CWF19L2: variants seen among roughly 807,000 people sequenced by gnomAD.
CWF19L2 encodes CWF19 like cell cycle control factor 2.
Under a neutral mutation model 111.7 loss-of-function variants are expected in CWF19L2, and 98 were observed. The observed-to-expected ratio is 0.88, with a 90% CI of 0.75 to 1.04. The LOEUF (loss-of-function observed/expected upper bound fraction) is 1.04. Among genes scored for constraint, CWF19L2 ranks in the 50% least tolerant of loss-of-function variants. CWF19L2 has a pLI of 0.00. For synonymous variants in CWF19L2, 351 were observed against 342.9 expected, an observed-to-expected ratio of 1.02 and a Z score of -0.26; for missense variants, 1,101 against 1,051.4, an observed-to-expected ratio of 1.05 and a Z score of -0.65.
At position 107,391,587 on chromosome 11, in the gene CWF19L2, T is replaced by A. The variant is rs903913497; in HGVS notation, c.1734+1192A>T. ...ATATTCTGGTCTCCATCTAATTCAG[T>A]CCCAGATTTTCCTATCAGTTGGTTC... On this transcript the variant is annotated intron_variant, in intron 11 of 17. Coordinates refer to ENST00000282251, the MANE Select transcript of CWF19L2 (RefSeq NM_152434.3). Among the ~76,000 whole-genome samples, 31 of 152,200 alleles carry A rather than the reference T, an allele frequency of 2.0e-4. 1 individual carries two copies. Among genetic ancestry groups the A allele is most frequent in the African/African-American group, 7.0e-4 (29 of 41,440 alleles).
At chr11:107,388,766 A>G (rs1318776941) in intron 12 of CWF19L2, among the ~76,000 whole-genome samples, 1 of 152,216 alleles carries the variant, frequency 6.6e-6, no homozygotes, top group African/African-American at 2.4e-5. Context: ...TACTAAAACT[A>G]TTTAATTCAG....
intron 8 of CWF19L2, among the ~76,000 whole-genome samples, chr11:107,418,805 C>T (rs571192776): frequency 2.0e-5 from 3 of 152,278 alleles, no homozygotes; most frequent in Non-Finnish European, 2.9e-5. Flanking sequence ...AAACTGGTAT[C>T]ATGTGCCAAA....
chr11:107,332,978 C>T (rs188343141), intron 16 of CWF19L2, among the ~76,000 whole-genome samples: 10 of 151,766 alleles, frequency 6.6e-5, no homozygotes, highest in South Asian at 2.1e-4. Flanking sequence ...ATTAGCCTGG[C>T]GTGGTGGTGC....
Position 107,386,636 on chromosome 11 carries a change from T to G in CWF19L2, c.1872+3438A>C, listed in dbSNP as rs556902557. Among the ~76,000 whole-genome samples, 17 of 152,334 alleles carry G rather than the reference T, an allele frequency of 1.1e-4. No individual in the cohort carries two copies. In the South Asian group the frequency reaches 3.3e-3, roughly 30 times the overall value. On this transcript the variant is annotated intron_variant, in intron 12 of 17. Coordinates refer to ENST00000282251, the MANE Select transcript of CWF19L2 (RefSeq NM_152434.3). Reference sequence around the variant, plus strand: ...TCCTGAAACACCACACCCTTGGTTTTCCTTCTGCCTCACTGGCTGCACTTC... The same window carrying G: ...TCCTGAAACACCACACCCTTGGTTTGCCTTCTGCCTCACTGGCTGCACTTC...
intron 10 of CWF19L2, 120 bp from the exon 11 acceptor site, chr11:107,393,015 T>A: frequency 1.6e-6 from 1 of 613,650 alleles, no homozygotes; most frequent in Non-Finnish European, 2.7e-6. Flanking sequence ...TGGATTGCCT[T>A]AAATCTCCTG....
chr11:107,354,115 T>TA (rs754591206), intron 12 of CWF19L2, among the ~76,000 whole-genome samples: 1 of 148,702 alleles, frequency 6.7e-6, no homozygotes, highest in African/African-American at 2.5e-5. Flanking sequence ...TTTTTTTTTT[T>TA]AACCACATCT....
At chr11:107,421,460 T>A (rs1591194886) in intron 8 of CWF19L2, among the ~76,000 whole-genome samples, 1 of 152,060 alleles carries the variant, frequency 6.6e-6, no homozygotes, top group East Asian at 1.9e-4. Context: ...ACGCTGATAT[T>A]TAAGGCAATA....
intron 8 of CWF19L2, among the ~76,000 whole-genome samples, chr11:107,424,427 A>C (rs1307466772): frequency 6.7e-6 from 1 of 148,990 alleles, no homozygotes; most frequent in Non-Finnish European, 1.5e-5. Flanking sequence ...AGTCTACTAA[A>C]ATCTGGCTTC....
chr11:107,411,625 C>T (rs1179319896), intron 10 of CWF19L2, among the ~76,000 whole-genome samples: 1 of 151,860 alleles, frequency 6.6e-6, no homozygotes, highest in Non-Finnish European at 1.5e-5. Flanking sequence ...CTAAATTTAC[C>T]AAGAGCATTT....
chr11:107,337,697 C>T (rs1287111069), intron 14 of CWF19L2, among the ~76,000 whole-genome samples: 1 of 152,010 alleles, frequency 6.6e-6, no homozygotes, highest in Non-Finnish European at 1.5e-5. Flanking sequence ...GGTAGGTCAC[C>T]TGAGATCAGG....
chr11:107,445,730 C>A (rs1314547214), intron 3 of CWF19L2, among the ~76,000 whole-genome samples: 1 of 152,122 alleles, frequency 6.6e-6, no homozygotes, highest in African/African-American at 2.4e-5. Flanking sequence ...CAACCCCTCA[C>A]CCCAAATACA....
At position 107,402,873 on chromosome 11, in the gene CWF19L2, G is replaced by GTATATATATA. The variant is rs145828149; in HGVS notation, c.1618-9988_1618-9979dup. 5.3e-3 allele frequency among the ~76,000 whole-genome samples: 502 copies of GTATATATATA among 94,384 alleles called. 12 individuals are homozygous for GTATATATATA. Among genetic ancestry groups the GTATATATATA allele is most frequent in the South Asian group, 9.4e-3 (31 of 3,282 alleles). 61.9% of individuals were successfully genotyped at this position (94,384 alleles called of 152,430 possible). A position where few individuals can be genotyped will look rare whatever the true frequency, so the allele number is the denominator to read the frequency against. ...CGAGTGGATAAACAAACTGTGGTGT[G>GTATATATATA]TATATATATATATATATATATATAT... On this transcript the variant is annotated intron_variant, in intron 10 of 17. Coordinates refer to ENST00000282251, the MANE Select transcript of CWF19L2 (RefSeq NM_152434.3).
At chr11:107,455,090 T>C (rs1250291929) in intron 2 of CWF19L2, among the ~76,000 whole-genome samples, 2 of 152,102 alleles carry the variant, frequency 1.3e-5, no homozygotes, top group Non-Finnish European at 2.9e-5. Context: ...GAAATAAGTT[T>C]TAGTGATCTA....
At chr11:107,378,094 A>C (rs1023220930) in intron 12 of CWF19L2, among the ~76,000 whole-genome samples, 1 of 150,746 alleles carries the variant, frequency 6.6e-6, no homozygotes, top group Non-Finnish European at 1.5e-5. Flanking sequence ...TTAGAATGGC[A>C]ATCATTAAAA....
intron 13 of CWF19L2, among the ~76,000 whole-genome samples, chr11:107,351,159 G>A (rs1189568749): frequency 6.6e-6 from 1 of 152,208 alleles, no homozygotes; most frequent in Non-Finnish European, 1.5e-5. Context: ...AACTATTACA[G>A]AAGTCCAGTA....
chr11:107,418,466 G>C (rs1198853971), intron 8 of CWF19L2, among the ~76,000 whole-genome samples, 179 bp from the exon 9 acceptor site: 1 of 152,102 alleles, frequency 6.6e-6, no homozygotes, highest in Non-Finnish European at 1.5e-5. Flanking sequence ...AAAGTTCTCT[G>C]TTACAATGCC....
chr11:107,439,035 G>GAAGAA, intron 6 of CWF19L2, 55 bp downstream of exon 6: 1 of 288,602 alleles, frequency 3.5e-6, no homozygotes, highest in East Asian at 8.2e-5. Context: ...ACTCTGTCTC[G>GAAGAA]AAAAAAAAAA....
At chr11:107,353,989 G>T (rs958999690) in intron 12 of CWF19L2, among the ~76,000 whole-genome samples, 1 of 152,060 alleles carries the variant, frequency 6.6e-6, no homozygotes, top group Non-Finnish European at 1.5e-5. Flanking sequence ...CTCCTATGTG[G>T]TGGGGACCAT....
intron 10 of CWF19L2, among the ~76,000 whole-genome samples, chr11:107,411,053 T>C (rs1861149479): frequency 6.7e-6 from 1 of 150,044 alleles, no homozygotes; most frequent in Non-Finnish European, 1.5e-5. Flanking sequence ...GGTCTATGCT[T>C]TTATAAGAGT....
Sources: allele counts gnomAD v4.1 joint callset (sites outside exome capture counted in the v4.1 genomes callset), GRCh38; gene constraint gnomAD v4.1.1; transcripts MANE v1.5; gene names NCBI Gene and HGNC (gene_info 2026-07-23, HGNC 2026-07-21).